Variants in UST observed in about 807,000 individuals in gnomAD.
UST encodes the protein uronyl 2-sulfotransferase.
Under a neutral mutation model 45.6 loss-of-function variants are expected in UST, and 21 were observed. That is an observed-to-expected ratio of 0.46 (90% CI 0.33 to 0.66). The LOEUF is 0.66. Among genes scored for constraint, UST ranks in the 30% least tolerant of loss-of-function variants. The pLI is 0.02. For missense variants in UST, 463 were observed against 512.4 expected (o/e 0.90, Z 0.93); for synonymous variants, 215 against 200.6 (o/e 1.07, Z -0.61).
At chr6:148,993,530 A>G (rs1781393698) in intron 5 of UST, among the ~76,000 whole-genome samples, 1 of 152,236 alleles carries the variant, frequency 6.6e-6, no homozygotes, top group Admixed American at 6.5e-5. Flanking sequence ...GTGACTTACT[A>G]AAGGATAAAA....
At chr6:149,054,494 C>T (rs1311765294) in intron 7 of UST, among the ~76,000 whole-genome samples, 1 of 152,138 alleles carries the variant, frequency 6.6e-6, no homozygotes, top group East Asian at 1.9e-4. Flanking sequence ...ATACTGTGTG[C>T]ATCTTACAGG....
chr6:148,806,165 C>T (rs1034615578), intron 1 of UST, among the ~76,000 whole-genome samples: 2 of 151,990 alleles, frequency 1.3e-5, no homozygotes, highest in Non-Finnish European at 2.9e-5. Context: ...TAACCTGAAC[C>T]ATGTCTATTC....
chr6:148,752,495 C>T (rs1414438215), intron 1 of UST, among the ~76,000 whole-genome samples: 1 of 152,194 alleles, frequency 6.6e-6, no homozygotes, highest in Non-Finnish European at 1.5e-5. Context: ...TGGAATTCAG[C>T]TATGGTAATC....
chr6:148,754,049 C>A (rs190307154), intron 1 of UST, among the ~76,000 whole-genome samples: 1 of 149,514 alleles, frequency 6.7e-6, no homozygotes, highest in Admixed American at 6.7e-5. Context: ...GGCTGGAGTG[C>A]AGTGGCGCGA....
chr6:148,993,072 A>G (rs1457104636), intron 5 of UST: 1 of 985,284 alleles, frequency 1.0e-6, no homozygotes. Flanking sequence ...AGGAGGTGAC[A>G]TTTGTTTCTT....
intron 5 of UST, among the ~76,000 whole-genome samples, chr6:148,995,005 A>G (rs1781424806): frequency 1.3e-5 from 2 of 151,818 alleles, no homozygotes; most frequent in Non-Finnish European, 2.9e-5. Flanking sequence ...CATCCTGTAA[A>G]AGAATTTGTC....
At chr6:148,761,066 A>C (rs1302037960) in intron 1 of UST, among the ~76,000 whole-genome samples, 10 of 152,212 alleles carry the variant, frequency 6.6e-5, no homozygotes, top group Non-Finnish European at 1.5e-5. Context: ...GTGGTATTTG[A>C]GAATGACTGC....
intron 5 of UST, among the ~76,000 whole-genome samples, chr6:148,982,546 C>G (rs561888095): frequency 6.6e-6 from 1 of 152,172 alleles, no homozygotes; most frequent in South Asian, 2.1e-4. Context: ...TAGTAGGATG[C>G]TTTGTATCCT....
In UST at chr6:148,747,210, CG is replaced by C; in HGVS notation, c.-220del. On this transcript the variant is annotated 5_prime_UTR_variant, in exon 1 of 8. Transcript: ENST00000367463. Reference sequence around the variant, plus strand: ...CGGCGCCCCGTCACGGGCAGCGCCCCGAACCGGGGCCGGACACCTCGGCCGC... The same window carrying C: ...CGGCGCCCCGTCACGGGCAGCGCCCCAACCGGGGCCGGACACCTCGGCCGC... The C allele has an allele frequency of 2.8e-6, 1 of 362,270 alleles. No homozygotes were observed. The highest frequency in any genetic ancestry group is 4.8e-5 in the East Asian group (1 of 20,898). 22.4% of individuals were successfully genotyped at this position (362,270 alleles called of 1,614,324 possible).
At chr6:148,866,002 T>C (rs1778421463) in intron 1 of UST, among the ~76,000 whole-genome samples, 1 of 152,006 alleles carries the variant, frequency 6.6e-6, no homozygotes, top group Non-Finnish European at 1.5e-5. Context: ...AGAATATATG[T>C]GTGTGTATGT....
intron 7 of UST, among the ~76,000 whole-genome samples, chr6:149,040,958 GC>G (rs1361946401): frequency 6.6e-6 from 1 of 152,168 alleles, no homozygotes; most frequent in African/African-American, 2.4e-5. Flanking sequence ...CCTCCTCCTT[GC>G]TGTGAGATAC....
chr6:149,064,481 A>G lies in UST; in HGVS notation c.938-9352A>G, dbSNP rs79009915. Reference sequence around the variant, plus strand: ...AAAGTGCCAACTGATGATGATGATGATGGTGATGATGATGATGCCCCATTC... The same window carrying G: ...AAAGTGCCAACTGATGATGATGATGGTGGTGATGATGATGATGCCCCATTC... On this transcript the variant is annotated intron_variant, in intron 7 of 7. Coordinates refer to ENST00000367463, the MANE Select transcript of UST (RefSeq NM_005715.3). Among the ~76,000 whole-genome samples the G allele has an allele frequency of 1.7e-3, 256 of 152,282 alleles. 1 individual carries two copies. The highest frequency in any genetic ancestry group is 5.9e-3 in the African/African-American group (246 of 41,558).
At position 149,073,994 on chromosome 6, in the gene UST, C is replaced by G. The variant is rs775089527; in HGVS notation, c.1099C>G (p.His367Asp). ...GAAGCGCAAGTTTGGACTTAAGTCTCACGTCAGCAAGCCCCCCCTGAGGCC... is the reference window on the plus strand; with the variant it reads ...GAAGCGCAAGTTTGGACTTAAGTCTGACGTCAGCAAGCCCCCCCTGAGGCC... Reference protein sequence around the residue: ...LLKRKFGLKSHVSKPPLRPHF... With the variant: ...LLKRKFGLKSDVSKPPLRPHF... Residue 367 changes from histidine to aspartate, a missense_variant, in exon 8 of 8, where the codon CAC becomes GAC. His to Asp is a moderately conservative substitution (Grantham distance 81, BLOSUM62 -1). Around this residue, in one of 2 missense-constraint regions of UST, gnomAD observed 287 missense variants for 374.2 expected, o/e 0.77. Transcript: ENST00000367463. 1.4e-5 allele frequency: 22 copies of G among 1,614,090 alleles called. No homozygotes were observed. The highest frequency in any genetic ancestry group is 1.7e-5 in the Non-Finnish European group (20 of 1,180,032).
At chr6:149,047,855 A>C (rs546378812) in intron 7 of UST, among the ~76,000 whole-genome samples, 1 of 152,326 alleles carries the variant, frequency 6.6e-6, no homozygotes, top group South Asian at 2.1e-4. Context: ...ATCTTTTTTT[A>C]AAGTAATGAG....
chr6:148,857,530 A>G (rs1778227359), intron 1 of UST, among the ~76,000 whole-genome samples: 1 of 152,210 alleles, frequency 6.6e-6, no homozygotes, highest in South Asian at 2.1e-4. Context: ...GCACCATGAC[A>G]TTAGATACTC....
chr6:149,067,269 G>A (rs1167804826), intron 7 of UST, among the ~76,000 whole-genome samples: 1 of 152,104 alleles, frequency 6.6e-6, no homozygotes, highest in Non-Finnish European at 1.5e-5. Flanking sequence ...AATTTTAGGG[G>A]AGGTGACTGA....
At chr6:148,774,770 G>C (rs182163300) in intron 1 of UST, among the ~76,000 whole-genome samples, 258 of 152,320 alleles carry the variant, frequency 1.7e-3, no homozygotes, top group African/African-American at 6.0e-3. Context: ...TGTAATCCTA[G>C]CACTTCGGGA....
chr6:148,788,105 T>C (rs930424773), intron 1 of UST, among the ~76,000 whole-genome samples: 6 of 152,162 alleles, frequency 3.9e-5, no homozygotes, highest in African/African-American at 1.4e-4. Context: ...AGGCTCTTCT[T>C]ACATTGCAGC....
At chr6:148,759,905 G>A (rs1776179266) in intron 1 of UST, among the ~76,000 whole-genome samples, 1 of 151,558 alleles carries the variant, frequency 6.6e-6, no homozygotes, top group Non-Finnish European at 1.5e-5. Context: ...CACTCCCAGG[G>A]GAGAGTGTTT....
Sources: gnomAD v4.1 joint callset for allele counts (sites outside exome capture counted in the v4.1 genomes callset) on GRCh38, gnomAD v4.1.1 for gene constraint, gnomAD v4.1.1 regional missense constraint, MANE v1.5 for transcripts, NCBI Gene and HGNC (gene_info 2026-07-23, HGNC 2026-07-21) for gene names.